The following NTM variants were observed in gnomAD, a reference collection of about 807,000 sequenced individuals.
NTM encodes neurotrimin.
A neutral mutation model predicts 42.1 loss-of-function variants in NTM; 13 were observed. The observed-to-expected ratio is 0.31, with a 90% CI of 0.20 to 0.49. The LOEUF is 0.49. Among genes scored for constraint, NTM ranks in the 20% least tolerant of loss-of-function variants. NTM has a pLI of 0.99. For synonymous variants in NTM, 187 were observed against 179.2 expected, an observed-to-expected ratio of 1.04 and a Z score of -0.35; for missense variants, 373 against 452.8, an observed-to-expected ratio of 0.82 and a Z score of 1.60.
intron 1 of NTM, among the ~76,000 whole-genome samples, chr11:131,794,149 C>T (rs1422587211): frequency 1.3e-5 from 2 of 152,106 alleles, no homozygotes; most frequent in Non-Finnish European, 2.9e-5. Context: ...GTGTGGAGTG[C>T]CACGGTGCGT....
chr11:132,166,811 A>G (rs946902102), intron 3 of NTM, among the ~76,000 whole-genome samples: 1 of 152,206 alleles, frequency 6.6e-6, no homozygotes, highest in Admixed American at 6.5e-5. Context: ...GGCACTGACC[A>G]TCATTCCTAG....
intron 1 of NTM, among the ~76,000 whole-genome samples, chr11:131,862,107 G>A (rs569625304): frequency 5.3e-5 from 8 of 152,330 alleles, no homozygotes; most frequent in East Asian, 1.9e-4. Flanking sequence ...GGCAGAGCAC[G>A]TGTGTTGCAA....
Position 132,052,773 on chromosome 11 carries a change from C to CTGTGTGTG in NTM, c.168-93485_168-93478dup, listed in dbSNP as rs5795753. The stretch of plus-strand genomic sequence containing the variant: ...TTCACAAACGTATTTTCCAGGCTCA[C>CTGTGTGTG]TGTGTGTGTGTGTGTGTGTGTGTGT... On this transcript the variant is annotated intron_variant, in intron 2 of 8. Coordinates refer to ENST00000683400, the MANE Select transcript of NTM (RefSeq NM_001352005.2). Among the ~76,000 whole-genome samples, 845 of 148,356 alleles carry CTGTGTGTG rather than the reference C, an allele frequency of 5.7e-3. 2 individuals carry two copies. The highest frequency in any genetic ancestry group is 0.013 in the South Asian group (57 of 4,546).
chr11:131,600,179 G>T (rs999443490), intron 1 of NTM, among the ~76,000 whole-genome samples: 1 of 152,176 alleles, frequency 6.6e-6, no homozygotes, highest in Non-Finnish European at 1.5e-5. Flanking sequence ...GGGATCTGGG[G>T]TGAGGGTTGT....
intron 1 of NTM, among the ~76,000 whole-genome samples, chr11:131,556,682 C>G (rs2055469422): frequency 6.6e-6 from 1 of 151,264 alleles, no homozygotes; most frequent in Non-Finnish European, 1.5e-5. Flanking sequence ...ATTCTTCTGC[C>G]TCAGCCTCCC....
intron 1 of NTM, among the ~76,000 whole-genome samples, chr11:131,671,915 G>C (rs772369353): frequency 6.6e-6 from 1 of 152,100 alleles, no homozygotes; most frequent in Non-Finnish European, 1.5e-5. Flanking sequence ...GCTTGGCTCC[G>C]GGACAAAGAG....
intron 1 of NTM, among the ~76,000 whole-genome samples, chr11:131,531,307 T>G (rs1019126287): frequency 6.6e-6 from 1 of 152,062 alleles, no homozygotes; most frequent in Non-Finnish European, 1.5e-5. Context: ...CTCTGCTAAT[T>G]TTTTTTGGGG....
intron 1 of NTM, among the ~76,000 whole-genome samples, chr11:131,821,248 C>A (rs1189543614): frequency 6.6e-6 from 1 of 152,220 alleles, no homozygotes; most frequent in Non-Finnish European, 1.5e-5. Context: ...ACTGGGAACT[C>A]ATTCCTGTTC....
intron 1 of NTM, among the ~76,000 whole-genome samples, chr11:131,683,847 G>C (rs1395498186): frequency 2.0e-5 from 3 of 152,182 alleles, no homozygotes; most frequent in Non-Finnish European, 2.9e-5. Context: ...GTCCTAGGCT[G>C]ACTTCTCCCC....
chr11:132,196,052 A>G (rs1279954134), intron 3 of NTM, among the ~76,000 whole-genome samples: 1 of 152,212 alleles, frequency 6.6e-6, no homozygotes, highest in Non-Finnish European at 1.5e-5. Context: ...CTATGCATCC[A>G]TCAAAGGTCT....
At chr11:131,416,194 T>G (rs1041215334) in intron 1 of NTM, among the ~76,000 whole-genome samples, 17 of 131,520 alleles carry the variant, frequency 1.3e-4, no homozygotes, top group African/African-American at 4.6e-4. Flanking sequence ...TCTTTTCATG[T>G]TTTTTTTTTT....
At chr11:131,504,168 C>A (rs1304235174) in intron 1 of NTM, among the ~76,000 whole-genome samples, 4 of 152,302 alleles carry the variant, frequency 2.6e-5, no homozygotes, top group Admixed American at 1.3e-4. Flanking sequence ...CTGCCAGTCC[C>A]CTTTGAGCCC....
intron 4 of NTM, among the ~76,000 whole-genome samples, chr11:132,259,898 A>G (rs1028677414): frequency 5.3e-5 from 8 of 151,824 alleles, no homozygotes; most frequent in Non-Finnish European, 1.0e-4. Flanking sequence ...ACAGGAGTGC[A>G]CCACCATGCC....
At chr11:131,791,498 C>T (rs2090933120) in intron 1 of NTM, among the ~76,000 whole-genome samples, 2 of 152,282 alleles carry the variant, frequency 1.3e-5, no homozygotes, top group South Asian at 4.1e-4. Flanking sequence ...TAACTGAATA[C>T]AACTATGTAA....
intron 2 of NTM, among the ~76,000 whole-genome samples, chr11:132,093,188 A>G (rs779160202): frequency 1.3e-5 from 2 of 152,078 alleles, no homozygotes; most frequent in African/African-American, 2.4e-5. Flanking sequence ...TCACCTATTC[A>G]CTCTGTACCT....
chr11:132,161,278 G>T (rs1335792744), intron 3 of NTM, among the ~76,000 whole-genome samples: 2 of 151,506 alleles, frequency 1.3e-5, no homozygotes, highest in Non-Finnish European at 2.9e-5. Context: ...ATCAGCAGAT[G>T]GACACCCTTC....
chr11:131,594,644 T>C (rs2059660378), intron 1 of NTM, among the ~76,000 whole-genome samples: 1 of 152,174 alleles, frequency 6.6e-6, no homozygotes, highest in Admixed American at 6.5e-5. Context: ...AGCCGTCCTC[T>C]TACCTCAGCC....
At chr11:131,490,739 A>G (rs1032300227) in intron 1 of NTM, among the ~76,000 whole-genome samples, 4 of 152,208 alleles carry the variant, frequency 2.6e-5, no homozygotes, top group Non-Finnish European at 5.9e-5. Flanking sequence ...ACTGCAATCA[A>G]TCAGGACTTC....
At chr11:131,758,419 C>G (rs1336070501) in intron 1 of NTM, among the ~76,000 whole-genome samples, 1 of 152,042 alleles carries the variant, frequency 6.6e-6, no homozygotes, top group East Asian at 1.9e-4. Flanking sequence ...AAAGCAACAT[C>G]CCCAAAGCTC....
Sources: allele counts gnomAD v4.1 joint callset (sites outside exome capture counted in the v4.1 genomes callset), GRCh38; gene constraint gnomAD v4.1.1; transcripts MANE v1.5; gene names NCBI Gene and HGNC (gene_info 2026-07-23, HGNC 2026-07-21).